The following CNTN4 variants were observed in gnomAD, a reference collection of about 807,000 sequenced individuals.
CNTN4 encodes the protein contactin-4.
In CNTN4, 77 loss-of-function variants were observed where a neutral mutation model predicts 122.5. That is an observed-to-expected ratio of 0.63 (90% CI 0.52 to 0.76). The LOEUF is 0.76. CNTN4 is among the 30% of genes least tolerant of loss of function. CNTN4 has a pLI of 0.00. For synonymous variants in CNTN4, 512 were observed against 447.0 expected (o/e 1.15, Z -1.83); for missense variants, 1,256 against 1,259.1 (o/e 1.00, Z 0.04).
At chr3:2,742,365 G>A (rs375102045) in intron 5 of CNTN4, among the ~76,000 whole-genome samples, 1 of 152,160 alleles carries the variant, frequency 6.6e-6, no homozygotes, top group East Asian at 1.9e-4. Context: ...ACTTCCCTAA[G>A]GACATATGAC....
At chr3:2,925,266 G>T (rs1156358380) in intron 12 of CNTN4, among the ~76,000 whole-genome samples, 1 of 152,134 alleles carries the variant, frequency 6.6e-6, no homozygotes, top group Admixed American at 6.5e-5. Context: ...ATTAGAGAAA[G>T]AAAAAGATGC....
At chr3:2,311,997 G>T (rs1341975758) in intron 2 of CNTN4, among the ~76,000 whole-genome samples, 2 of 151,938 alleles carry the variant, frequency 1.3e-5, no homozygotes, top group Non-Finnish European at 2.9e-5. Context: ...ATGGATGAAT[G>T]AAACTAATTA....
intron 2 of CNTN4, among the ~76,000 whole-genome samples, chr3:2,307,382 C>T (rs1325937025): frequency 6.6e-6 from 1 of 151,594 alleles, no homozygotes; most frequent in Non-Finnish European, 1.5e-5. Flanking sequence ...TTGCAGTGGG[C>T]CGAGATTGTG....
intron 2 of CNTN4, among the ~76,000 whole-genome samples, chr3:2,104,662 G>A (rs943875281): frequency 1.3e-5 from 2 of 152,170 alleles, no homozygotes; most frequent in Non-Finnish European, 2.9e-5. Flanking sequence ...ACATTCCTCT[G>A]GGGTGGACCT....
chr3:2,951,382 G>T (rs1052821189), intron 13 of CNTN4, among the ~76,000 whole-genome samples: 1 of 152,172 alleles, frequency 6.6e-6, no homozygotes, highest in Non-Finnish European at 1.5e-5. Flanking sequence ...TTCAGGTCCT[G>T]TCCTGTGAGA....
At chr3:2,388,411 C>T (rs1262089053) in intron 3 of CNTN4, among the ~76,000 whole-genome samples, 4 of 152,200 alleles carry the variant, frequency 2.6e-5, no homozygotes, top group African/African-American at 9.6e-5. Flanking sequence ...GAGGAGCCCA[C>T]ACTGGCCTCC....
At chr3:2,382,638 G>A (rs1450934515) in intron 3 of CNTN4, among the ~76,000 whole-genome samples, 1 of 152,120 alleles carries the variant, frequency 6.6e-6, no homozygotes, top group African/African-American at 2.4e-5. Context: ...TGGTACATTA[G>A]GAACGAAAAT....
At chr3:2,127,123 C>A (rs2727914) in intron 2 of CNTN4, among the ~76,000 whole-genome samples, 82,448 of 151,972 alleles carry the variant, frequency 0.54, 22,680 homozygotes, top group East Asian at 0.68. Context: ...TCAAGAGAAG[C>A]CTGGATTGCT....
chr3:2,927,464 G>A (rs999255561), intron 13 of CNTN4: 3 of 353,544 alleles, frequency 8.5e-6, no homozygotes, highest in Non-Finnish European at 1.7e-5. Flanking sequence ...CATTTCATTG[G>A]CCAAAACAGG....
At chr3:2,659,405 T>C (rs2083761500) in intron 4 of CNTN4, among the ~76,000 whole-genome samples, 1 of 136,350 alleles carries the variant, frequency 7.3e-6, no homozygotes. Context: ...GAGGTTGCGG[T>C]GAGCCGAGAT....
At chr3:2,303,558 T>C (rs1467292291) in intron 2 of CNTN4, among the ~76,000 whole-genome samples, 1 of 152,246 alleles carries the variant, frequency 6.6e-6, no homozygotes, top group Non-Finnish European at 1.5e-5. Context: ...TTACATTGTA[T>C]GGATATACCA....
rs1031053205 is a variant in CNTN4 at position 2,671,662 on chromosome 3, G to A, written c.56-64553G>A. Among the ~76,000 whole-genome samples, 13 of 152,102 alleles carry A rather than the reference G, an allele frequency of 8.5e-5. 1 individual carries two copies. The highest frequency in any genetic ancestry group is 1.9e-4 in the East Asian group (1 of 5,182). ...TGCGTTCCTTTGGAGGAGGAGAGGC[G>A]CGCTGATTTTTAGAATTTTCAGTTT... On this transcript the variant is annotated intron_variant, in intron 4 of 24. Transcript: ENST00000418658.
chr3:2,289,429 A>T (rs1298249384), intron 2 of CNTN4, among the ~76,000 whole-genome samples: 1 of 152,260 alleles, frequency 6.6e-6, no homozygotes. Flanking sequence ...TCTATAAGAC[A>T]GAGTTTCTAT....
chr3:2,984,232 G>A (rs1002743305), intron 13 of CNTN4, among the ~76,000 whole-genome samples: 5 of 152,122 alleles, frequency 3.3e-5, no homozygotes, highest in East Asian at 3.9e-4. Context: ...GGATGGAAAT[G>A]ATGGTGGGGA....
At position 2,392,906 on chromosome 3, in the gene CNTN4, G is replaced by A. The variant is rs530253672; in HGVS notation, c.-89+53673G>A. Reference sequence around the variant, plus strand: ...CTCCTATTTAACTAAAACTTCGTACGTTTACCTCTTTCTGGAACTCTTGAC... The same window carrying A: ...CTCCTATTTAACTAAAACTTCGTACATTTACCTCTTTCTGGAACTCTTGAC... On this transcript the variant is annotated intron_variant, in intron 3 of 24. Transcript: ENST00000418658. 1.6e-4 allele frequency among the ~76,000 whole-genome samples: 24 copies of A among 152,042 alleles called. No homozygotes were observed. The South Asian group carries it at 4.8e-3, about 30-fold the overall frequency.
intron 4 of CNTN4, among the ~76,000 whole-genome samples, chr3:2,673,342 C>G (rs2084647064): frequency 6.6e-6 from 1 of 152,174 alleles, no homozygotes; most frequent in Non-Finnish European, 1.5e-5. Context: ...AACTAGATCG[C>G]TCTTGCAGAG....
At chr3:2,384,849 C>CT (rs886330833) in intron 3 of CNTN4, among the ~76,000 whole-genome samples, 12 of 152,106 alleles carry the variant, frequency 7.9e-5, no homozygotes, top group South Asian at 4.1e-4. Context: ...TTTTACCTAT[C>CT]TTTTTTTAAC....
At position 2,784,396 on chromosome 3, in the gene CNTN4, C is replaced by T. The variant is rs144045002; in HGVS notation, c.359-35090C>T. On this transcript the variant is annotated intron_variant, in intron 6 of 24. Coordinates refer to ENST00000418658, the MANE Select transcript of CNTN4 (RefSeq NM_175607.3). ...CGCACCTCCACATCCGTTTGATCTTCGAAACACAATATAGGGAGAATATAA... is the reference window on the plus strand; with the variant it reads ...CGCACCTCCACATCCGTTTGATCTTTGAAACACAATATAGGGAGAATATAA... 3.7e-4 allele frequency among the ~76,000 whole-genome samples: 56 copies of T among 152,186 alleles called. No individual in the cohort carries two copies. The East Asian group carries it at 4.4e-3, about 12-fold the overall frequency.
At chr3:2,615,807 A>G (rs186412433) in intron 4 of CNTN4, among the ~76,000 whole-genome samples, 1 of 152,294 alleles carries the variant, frequency 6.6e-6, no homozygotes, top group Admixed American at 6.5e-5. Flanking sequence ...AGCCTTTAGG[A>G]ATGACCTATA....
Sources: gnomAD v4.1 joint callset for allele counts (sites outside exome capture counted in the v4.1 genomes callset) on GRCh38, gnomAD v4.1.1 for gene constraint, MANE v1.5 for transcripts, NCBI Gene and HGNC (gene_info 2026-07-23, HGNC 2026-07-21) for gene names.